KCNMA1: variants seen among roughly 807,000 people sequenced by gnomAD.
KCNMA1 encodes the protein potassium calcium-activated channel subfamily M alpha 1, also known as Calcium-activated potassium channel subunit alpha-1.
A neutral mutation model predicts 140.0 loss-of-function variants in KCNMA1; 29 were observed. That is an observed-to-expected ratio of 0.21 (90% CI 0.15 to 0.28). KCNMA1 has a LOEUF of 0.28. Among genes scored for constraint, KCNMA1 ranks in the 10% least tolerant of loss-of-function variants. The pLI is 1.00. For synonymous variants in KCNMA1, 612 were observed against 611.9 expected (o/e 1.00, Z 0.00); for missense variants, 880 against 1,602.2 (o/e 0.55, Z 7.70).
At chr10:77,381,653 T>C (rs770691301) in intron 2 of KCNMA1, among the ~76,000 whole-genome samples, 1 of 152,198 alleles carries the variant, frequency 6.6e-6, no homozygotes, top group African/African-American at 2.4e-5. Flanking sequence ...TTTAAATCCC[T>C]ACATTCCTTG....
intron 1 of KCNMA1, chr10:77,635,315 C>T (rs1332664150): frequency 6.6e-6 from 1 of 152,144 alleles, no homozygotes; most frequent in African/African-American, 2.4e-5. Context: ...TTTAGGACCC[C>T]AGGTTCACAA....
intron 23 of KCNMA1, among the ~76,000 whole-genome samples, chr10:76,943,104 C>A (rs1035650174): frequency 6.6e-6 from 1 of 152,162 alleles, no homozygotes; most frequent in Non-Finnish European, 1.5e-5. Flanking sequence ...AAGGCAGGAA[C>A]CAAATGCCGG....
At chr10:76,920,018 G>GTATATATATATATATATATATATATATA (rs1340604804) in intron 23 of KCNMA1, among the ~76,000 whole-genome samples, 1 of 43,584 alleles carries the variant, frequency 2.3e-5, no homozygotes, top group African/African-American at 1.1e-4. Context: ...GTGTGTGTGT[G>GTATATATATATATATATATATATATATA]TGTATATATA....
intron 3 of KCNMA1, among the ~76,000 whole-genome samples, chr10:77,217,090 A>G (rs1414787331): frequency 6.6e-6 from 1 of 152,122 alleles, no homozygotes; most frequent in Non-Finnish European, 1.5e-5. Flanking sequence ...GGATCACCTG[A>G]GGTCAGGAGA....
chr10:76,953,916 G>T lies in KCNMA1; in HGVS notation c.2369C>A (p.Pro790His). ...NTSPKLMRHDPLLIPGNDQID... is the reference protein window; with the variant it reads ...NTSPKLMRHDHLLIPGNDQID... ...CTGATCATTGCCAGGAATTAACAAG[G>T]GGTCATGCCTGGGAAGAAAAGGACA... is the stretch of plus-strand genomic sequence containing the variant. The change falls in exon 21 of 28, where the codon CCC (proline) becomes CAC (histidine). Residue 790 changes from proline (P) to histidine (H), a missense_variant. This residue lies in a region of KCNMA1 where 196 missense variants were observed against 233.0 expected (regional missense o/e 0.84). Coordinates refer to ENST00000286628, the MANE Select transcript of KCNMA1 (RefSeq NM_001161352.2). 1 of 1,614,040 alleles carries T rather than the reference G, an allele frequency of 6.2e-7. No homozygotes were observed.
intron 5 of KCNMA1, among the ~76,000 whole-genome samples, chr10:77,171,400 CGTGTGTGTGTGTGTGT>C (rs60927086): frequency 1.2e-4 from 16 of 129,038 alleles, no homozygotes; most frequent in South Asian, 2.3e-4. Flanking sequence ...TGTGTGTGTG[CGTGTGTGTGTGTGTGT>C]GTGTGTGTGT....
intron 23 of KCNMA1, among the ~76,000 whole-genome samples, chr10:76,916,335 G>A (rs149652313): frequency 3.9e-4 from 59 of 152,298 alleles, no homozygotes; most frequent in African/African-American, 1.4e-3. Flanking sequence ...ATACCTGGAT[G>A]AGGTTGGAAC....
rs1157856228 is a variant in KCNMA1 at position 77,454,208 on chromosome 10, A to T, written c.379-50185T>A. ...AAAATTGAACCCATAATGAAAAAAT[A>T]GTCCATCAAAAGACTCCCCACTTCT... On this transcript the variant is annotated intron_variant, in intron 1 of 27. Transcript: ENST00000286628. Among the ~76,000 whole-genome samples the T allele has an allele frequency of 2.0e-5, 3 of 152,216 alleles. No individual in the cohort carries two copies. The South Asian group carries it at 6.2e-4, about 32-fold the overall frequency.
chr10:77,074,450 C>T (rs988838571), intron 13 of KCNMA1, among the ~76,000 whole-genome samples: 16 of 152,142 alleles, frequency 1.1e-4, no homozygotes, highest in African/African-American at 3.1e-4. Context: ...GAGGAGGTAG[C>T]GTCTGGAAAA....
At chr10:77,326,351 G>A (rs1347720894) in intron 2 of KCNMA1, among the ~76,000 whole-genome samples, 2 of 152,156 alleles carry the variant, frequency 1.3e-5, no homozygotes, top group Non-Finnish European at 2.9e-5. Context: ...CATAACGGTA[G>A]GCTTTGTAAT....
chr10:76,909,455 A>ATATG (rs2049168512), intron 25 of KCNMA1, among the ~76,000 whole-genome samples: 1 of 152,152 alleles, frequency 6.6e-6, no homozygotes, highest in South Asian at 2.1e-4. Flanking sequence ...TTCTTAAGAA[A>ATATG]AAGTCCAAAA....
chr10:77,246,741 T>C (rs2058618901), intron 3 of KCNMA1, among the ~76,000 whole-genome samples: 1 of 152,190 alleles, frequency 6.6e-6, no homozygotes, highest in South Asian at 2.1e-4. Flanking sequence ...AATGAATAAA[T>C]GGGTGAGTGG....
chr10:77,255,460 TGTG>T (rs1451387621), intron 2 of KCNMA1, among the ~76,000 whole-genome samples: 1 of 151,788 alleles, frequency 6.6e-6, no homozygotes, highest in Non-Finnish European at 1.5e-5. Context: ...AATTAGCAGT[TGTG>T]GTGGTGCACA....
At chr10:76,872,943 G>T (rs1234337445), downstream of KCNMA1, 2 of 151,552 alleles carry the variant, frequency 1.3e-5, no homozygotes, top group African/African-American at 2.4e-5. Flanking sequence ...CTTATCTTTA[G>T]ATAGGGAGTC....
intron 3 of KCNMA1, among the ~76,000 whole-genome samples, chr10:77,185,453 A>G (rs933530625): frequency 2.6e-5 from 4 of 152,158 alleles, no homozygotes; most frequent in African/African-American, 9.7e-5. Flanking sequence ...CAAGAAAGCT[A>G]GAGAGGAGAG....
At chr10:77,612,240 T>A (rs1346770509) in intron 1 of KCNMA1, among the ~76,000 whole-genome samples, 2 of 152,218 alleles carry the variant, frequency 1.3e-5, no homozygotes, top group African/African-American at 4.8e-5. Context: ...TAGGTCATGG[T>A]CACGAAACTG....
At chr10:77,418,291 A>G (rs545223571) in intron 1 of KCNMA1, among the ~76,000 whole-genome samples, 1 of 152,178 alleles carries the variant, frequency 6.6e-6, no homozygotes, top group African/African-American at 2.4e-5. Context: ...GCTCCGCTAG[A>G]CCCATCAATC....
intron 23 of KCNMA1, among the ~76,000 whole-genome samples, chr10:76,934,114 A>G (rs1045552800): frequency 3.9e-5 from 6 of 152,068 alleles, no homozygotes; most frequent in Admixed American, 6.5e-5. Context: ...CTGGGTCTAC[A>G]GATGTGAGCC....
At chr10:77,120,408 C>CA (rs573899954) in intron 6 of KCNMA1, among the ~76,000 whole-genome samples, 40 of 152,198 alleles carry the variant, frequency 2.6e-4, no homozygotes, top group African/African-American at 9.6e-4. Context: ...GGTTTTCCCC[C>CA]AAAAGGCAAT....
Sources: allele counts gnomAD v4.1 joint callset (sites outside exome capture counted in the v4.1 genomes callset), GRCh38; gene constraint gnomAD v4.1.1; regional missense constraint gnomAD v4.1.1; transcripts MANE v1.5; gene names NCBI Gene and HGNC (gene_info 2026-07-23, HGNC 2026-07-21).